Variants in NAB1 observed in about 807,000 individuals in gnomAD.
NAB1 encodes the protein NGFI-A binding protein 1.
In NAB1, 25 loss-of-function variants were observed where a neutral mutation model predicts 49.9. The ratio of observed to expected loss-of-function variants is 0.50; its 90% CI spans 0.37 to 0.70. The LOEUF is 0.70. Ranked by LOEUF, NAB1 falls within the 30% of genes least tolerant of loss-of-function variation. The pLI is 0.00. For missense variants in NAB1, 489 were observed against 575.9 expected (o/e 0.85, Z 1.54); for synonymous variants, 198 against 215.6 (o/e 0.92, Z 0.71).
chr2:190,672,368 A>G (rs572830093), intron 5 of NAB1, among the ~76,000 whole-genome samples: 1 of 152,298 alleles, frequency 6.6e-6, no homozygotes, highest in South Asian at 2.1e-4. Flanking sequence ...CTTGTAGTTG[A>G]TGGCTTGTCA....
chr2:190,690,162 T>C, intron 9 of NAB1, 83 bp from the exon 10 acceptor site: 1 of 962,426 alleles, frequency 1.0e-6, no homozygotes, highest in South Asian at 1.3e-5. Context: ...ATATGGAGTT[T>C]GGGGGTTTGT....
At chr2:190,681,740 T>C (rs1435154519) in intron 6 of NAB1, among the ~76,000 whole-genome samples, 3 of 152,224 alleles carry the variant, frequency 2.0e-5, no homozygotes, top group Non-Finnish European at 2.9e-5. Context: ...TGTATTTTGA[T>C]AGATAAAATA....
In NAB1 at chr2:190,669,668, G is replaced by C. The variant is rs543583749; in HGVS notation, c.820-658G>C. ...ATTTCTAGTTTGTTAAACAATTACA[G>C]ATTTTGTGTTTAGGGTAACAAAATT... On this transcript the variant is annotated intron_variant, in intron 4 of 9. Coordinates refer to ENST00000337386, the MANE Select transcript of NAB1 (RefSeq NM_005966.4). The surrounding 1 kb of genome is among the most constrained non-coding windows in gnomAD (Gnocchi z 4.3). Among the ~76,000 whole-genome samples, 1 of 152,262 alleles carries C rather than the reference G, an allele frequency of 6.6e-6. No individual in the cohort carries two copies. The highest frequency in any genetic ancestry group is 2.1e-4 in the South Asian group (1 of 4,834).
chr2:190,691,612 T>A lies in NAB1; in HGVS notation c.*1279T>A, dbSNP rs1695936191. On this transcript the variant is annotated 3_prime_UTR_variant, in exon 10 of 10. Coordinates refer to ENST00000337386, the MANE Select transcript of NAB1 (RefSeq NM_005966.4). This position sits in a 1 kb window ranked among gnomAD's most constrained non-coding sequence, Gnocchi z 4.1. ...TACTTATGAGAATTTCACATTGGAA[T>A]TCATAATGGTAAAACAACATACATC... 6.6e-6 allele frequency: 1 copy of A among 152,146 alleles called. No homozygotes were observed. Among genetic ancestry groups the A allele is most frequent in the Non-Finnish European group, 1.5e-5 (1 of 67,992 alleles). 9.4% of individuals were successfully genotyped at this position (152,146 alleles called of 1,614,324 possible).
At position 190,685,093 on chromosome 2, in the gene NAB1, T is replaced by G. The variant is rs754888227; in HGVS notation, c.1096-383T>G. 1.3e-5 allele frequency among the ~76,000 whole-genome samples: 2 copies of G among 152,220 alleles called. No homozygotes were observed. The highest frequency in any genetic ancestry group is 2.4e-5 in the African/African-American group (1 of 41,464). On this transcript the variant is annotated intron_variant, in intron 7 of 9. Transcript: ENST00000337386. The surrounding 1 kb of genome is among the most constrained non-coding windows in gnomAD (Gnocchi z 4.5). ...GTACTGCCAGATCCTAAAATAAAAATGCCAAGATTTCGCCCCAAGTGTTAG... is the reference window on the plus strand; with the variant it reads ...GTACTGCCAGATCCTAAAATAAAAAGGCCAAGATTTCGCCCCAAGTGTTAG...
In NAB1 at chr2:190,669,725, CTA is replaced by C. The variant is rs762654130; in HGVS notation, c.820-597_820-596del. ...CAAAGTGTTTGGTCAACTAGCAACT[CTA>C]TATTGGCAATATTTAATAATTACTG... On this transcript the variant is annotated intron_variant, in intron 4 of 9. Coordinates refer to ENST00000337386, the MANE Select transcript of NAB1 (RefSeq NM_005966.4). This position sits in a 1 kb window ranked among gnomAD's most constrained non-coding sequence, Gnocchi z 4.3. 1.3e-5 allele frequency among the ~76,000 whole-genome samples: 2 copies of C among 152,258 alleles called. No homozygotes were observed. The highest frequency in any genetic ancestry group is 4.1e-4 in the South Asian group (2 of 4,826).
At chr2:190,671,675 G>A (rs1215390332) in intron 5 of NAB1, among the ~76,000 whole-genome samples, 1 of 150,832 alleles carries the variant, frequency 6.6e-6, no homozygotes, top group Non-Finnish European at 1.5e-5. Flanking sequence ...AACGGTTCCT[G>A]TGCTCTGCCT....
At position 190,684,705 on chromosome 2, in the gene NAB1, G is replaced by T. The variant is rs1695518490; in HGVS notation, c.1096-771G>T. ...TCCTACTCTCTTATATAGCATGGTAGTGATTCATATCTGTGCATTTTGACT... is the reference window on the plus strand; with the variant it reads ...TCCTACTCTCTTATATAGCATGGTATTGATTCATATCTGTGCATTTTGACT... On this transcript the variant is annotated intron_variant, in intron 7 of 9. Coordinates refer to ENST00000337386, the MANE Select transcript of NAB1 (RefSeq NM_005966.4). This position sits in a 1 kb window ranked among gnomAD's most constrained non-coding sequence, Gnocchi z 4.6. Among the ~76,000 whole-genome samples the T allele has an allele frequency of 6.6e-6, 1 of 152,096 alleles. No individual in the cohort carries two copies. Among genetic ancestry groups the T allele is most frequent in the Non-Finnish European group, 1.5e-5 (1 of 68,016 alleles).
rs1056767507 is a variant in NAB1, at chr2:190,649,606, C to T, written c.-333-240C>T. 6.6e-6 allele frequency among the ~76,000 whole-genome samples: 1 copy of T among 151,908 alleles called. No individual in the cohort carries two copies. Among genetic ancestry groups the T allele is most frequent in the Non-Finnish European group, 1.5e-5 (1 of 67,980 alleles). ...GGCGGCGGGGAGCGCGGCCCTGACTCGTGCATTTTCCCTCCGAGAAAGGTT... is the reference window on the plus strand; with the variant it reads ...GGCGGCGGGGAGCGCGGCCCTGACTTGTGCATTTTCCCTCCGAGAAAGGTT... On this transcript the variant is annotated intron_variant, in intron 1 of 9. Transcript: ENST00000337386. The surrounding 1 kb of genome is among the most constrained non-coding windows in gnomAD (Gnocchi z 6.1).
chr2:190,672,477 G>A lies in NAB1; in HGVS notation c.954-624G>A, dbSNP rs184284939. The stretch of plus-strand genomic sequence containing the variant: ...TATATATGTAGGTACCACTGGGATA[G>A]GTTTTCCCAGCAGAGAAATTGCTGG... On this transcript the variant is annotated intron_variant, in intron 5 of 9. Transcript: ENST00000337386. 9.9e-5 allele frequency among the ~76,000 whole-genome samples: 15 copies of A among 152,238 alleles called. No homozygotes were observed. The East Asian group carries it at 2.9e-3, about 29-fold the overall frequency.
chr2:190,664,035 T>G (rs1320469003), intron 4 of NAB1, among the ~76,000 whole-genome samples: 1 of 152,192 alleles, frequency 6.6e-6, no homozygotes, highest in Non-Finnish European at 1.5e-5. Context: ...GTGGTCTGTG[T>G]TTTTTACGTT....
At chr2:190,650,204 C>A (rs954212401) in intron 2 of NAB1, among the ~76,000 whole-genome samples, 2 of 152,134 alleles carry the variant, frequency 1.3e-5, no homozygotes, top group South Asian at 4.1e-4. Context: ...CGTAGACTTG[C>A]ATGTACTTAC....
rs927148586 is a variant in NAB1 at position 190,659,466 on chromosome 2, A to G, written c.290A>G (p.Tyr97Cys). ...CTTCCTGTCAGTAGCATACCCATCT[A>G]TAAATTACCAGAGGGATCACCAACA... ...TSLPVSSIPI[Y>C]KLPEGSPTWL... The change falls in exon 4 of 10, where the codon TAT (tyrosine) becomes TGT (cysteine). Residue 97 changes from tyrosine (Y) to cysteine (C), a missense_variant. By Grantham distance (194) the Tyr-to-Cys change is radical. Transcript: ENST00000337386. The surrounding 1 kb of genome is among the most constrained non-coding windows in gnomAD (Gnocchi z 6.2). The G allele has an allele frequency of 6.2e-7, 1 of 1,614,190 alleles. No homozygotes were observed. The highest frequency in any genetic ancestry group is 8.5e-7 in the Non-Finnish European group (1 of 1,180,040).
rs142413179 is a variant in NAB1 at position 190,670,670 on chromosome 2, CTAGT to C, written c.953+214_953+217del. Among the ~76,000 whole-genome samples, 549 of 152,296 alleles carry C rather than the reference CTAGT, an allele frequency of 3.6e-3. 4 individuals carry two copies. Among genetic ancestry groups the C allele is most frequent in the African/African-American group, 0.012 (496 of 41,564 alleles). ...GTTCTCTTTTGAAAGGCATCATTCT[CTAGT>C]TACTATAGCATTGTTCTGGTAGTGG... On this transcript the variant is annotated intron_variant, in intron 5 of 9. Coordinates refer to ENST00000337386, the MANE Select transcript of NAB1 (RefSeq NM_005966.4). The surrounding 1 kb of genome is among the most constrained non-coding windows in gnomAD (Gnocchi z 5.3).
intron 2 of NAB1, among the ~76,000 whole-genome samples, chr2:190,655,446 A>T (rs1343770672): frequency 1.3e-5 from 2 of 152,242 alleles, no homozygotes; most frequent in African/African-American, 2.4e-5. Context: ...GATGTAATAT[A>T]AAAATTTGGA....
At chr2:190,688,943 A>G (rs1189061328) in intron 9 of NAB1, among the ~76,000 whole-genome samples, 1 of 151,378 alleles carries the variant, frequency 6.6e-6, no homozygotes, top group African/African-American at 2.4e-5. Flanking sequence ...GGTTTACGCC[A>G]TTCTCCTGCC....
chr2:190,672,589 A>AT (rs1298038976), intron 5 of NAB1, among the ~76,000 whole-genome samples: 2 of 152,222 alleles, frequency 1.3e-5, no homozygotes, highest in Non-Finnish European at 2.9e-5. Context: ...TTAAGTGGTC[A>AT]TTTTAGTCAT....
In NAB1 at chr2:190,670,006, T is replaced by A. The variant is rs188981227; in HGVS notation, c.820-320T>A. 7.9e-4 allele frequency among the ~76,000 whole-genome samples: 120 copies of A among 152,322 alleles called. No homozygotes were observed. Among genetic ancestry groups the A allele is most frequent in the African/African-American group, 2.5e-3 (104 of 41,574 alleles). On this transcript the variant is annotated intron_variant, in intron 4 of 9. Transcript: ENST00000337386. This position sits in a 1 kb window ranked among gnomAD's most constrained non-coding sequence, Gnocchi z 5.3. The stretch of plus-strand genomic sequence containing the variant: ...TGTATTCTAATATTTTGGGTTTTTT[T>A]ATAAGCGAGTTGCAGAATATTTTTT...
chr2:190,650,316 G>A (rs914571145), intron 2 of NAB1, among the ~76,000 whole-genome samples: 2 of 152,326 alleles, frequency 1.3e-5, no homozygotes, highest in African/African-American at 4.8e-5. Context: ...GTCACTACCA[G>A]TTGGTTTGCC....
Sources: allele counts gnomAD v4.1 joint callset (sites outside exome capture counted in the v4.1 genomes callset), GRCh38; gene constraint gnomAD v4.1.1; non-coding constraint Gnocchi (gnomAD v3.1); transcripts MANE v1.5; gene names NCBI Gene and HGNC (gene_info 2026-07-23, HGNC 2026-07-21).